GNAI3: variants seen among roughly 807,000 people sequenced by gnomAD.
GNAI3 encodes the protein guanine nucleotide-binding protein G(i) subunit alpha-3.
GNAI3 carries 12 observed loss-of-function variants against 41.8 expected under a neutral mutation model. That is an observed-to-expected ratio of 0.29 (90% CI 0.18 to 0.47). The LOEUF (loss-of-function observed/expected upper bound fraction) is 0.47. GNAI3 is among the 20% of genes least tolerant of loss of function. GNAI3 has a pLI of 1.00. For missense variants in GNAI3, 360 were observed against 429.6 expected, an observed-to-expected ratio of 0.84 and a Z score of 1.43; for synonymous variants, 132 against 146.5, an observed-to-expected ratio of 0.90 and a Z score of 0.71.
intron 5 of GNAI3, among the ~76,000 whole-genome samples, chr1:109,585,118 C>T (rs868305599): frequency 1.3e-5 from 2 of 152,190 alleles, no homozygotes; most frequent in Non-Finnish European, 2.9e-5. Flanking sequence ...GGCCTCTAGT[C>T]ACTATAGATC....
intron 1 of GNAI3, among the ~76,000 whole-genome samples, chr1:109,560,951 T>A (rs1444404928): frequency 2.0e-5 from 3 of 152,184 alleles, no homozygotes; most frequent in African/African-American, 7.2e-5. Flanking sequence ...AACAGAACAT[T>A]TTCTCCTGTA....
At chr1:109,551,814 C>T (rs1647987629) in intron 1 of GNAI3, among the ~76,000 whole-genome samples, 1 of 152,178 alleles carries the variant, frequency 6.6e-6, no homozygotes, top group Non-Finnish European at 1.5e-5. Flanking sequence ...TTTACAGACA[C>T]TTCAGTATTG....
Position 109,590,449 on chromosome 1 carries a change from T to G in GNAI3, c.875-1594T>G, listed in dbSNP as rs1571164392. On this transcript the variant is annotated intron_variant, in intron 7 of 8. Coordinates refer to ENST00000369851, the MANE Select transcript of GNAI3 (RefSeq NM_006496.4). ...TATTATCTGTTCCTAGCAGACAAAA[T>G]TCACTTTTCACTCATCTGCCTCCTT... is the stretch of plus-strand genomic sequence containing the variant. 2.0e-5 allele frequency among the ~76,000 whole-genome samples: 3 copies of G among 152,216 alleles called. No homozygotes were observed. In the East Asian group the frequency reaches 5.8e-4, roughly 29 times the overall value.
intron 3 of GNAI3, 43 bp from the exon 4 acceptor site, chr1:109,579,161 G>T: frequency 1.3e-6 from 2 of 1,523,222 alleles, no homozygotes; most frequent in Non-Finnish European, 1.8e-6. Context: ...AAGTCTTAAA[G>T]AAATGGAGAG....
intron 1 of GNAI3, 115 bp downstream of exon 1, chr1:109,548,953 T>C: frequency 5.0e-6 from 2 of 396,980 alleles, no homozygotes; most frequent in Non-Finnish European, 9.1e-6. Flanking sequence ...CTGGAGGGCG[T>C]GCCGGGCGTG....
intron 7 of GNAI3, 67 bp downstream of exon 7, chr1:109,586,949 C>A: frequency 2.1e-5 from 21 of 995,946 alleles, no homozygotes; most frequent in East Asian, 5.2e-5. Context: ...TGGTGGCATT[C>A]ATAAAACTGC....
rs543633805 is a variant in GNAI3 at position 109,598,237 on chromosome 1, ATCACCTGTTCTGT to A, written c.*5917_*5929del. ...CAGTAGATACAACAAAACACAAGAA[ATCACCTGTTCTGT>A]TTATTCTTGCTCATGTAGGATAAAG... is the stretch of plus-strand genomic sequence containing the variant. On this transcript the variant is annotated 3_prime_UTR_variant, in exon 9 of 9. Coordinates refer to ENST00000369851, the MANE Select transcript of GNAI3 (RefSeq NM_006496.4). 26 of 152,356 alleles carry A rather than the reference ATCACCTGTTCTGT, an allele frequency of 1.7e-4. No individual in the cohort carries two copies. The highest frequency in any genetic ancestry group is 6.0e-4 in the African/African-American group (25 of 41,578). The allele number at this position is 152,356 out of a possible 1,614,324, so 9.4% of individuals were successfully genotyped here. A position where few individuals can be genotyped will look rare whatever the true frequency, so the allele number is the denominator to read the frequency against.
intron 7 of GNAI3, among the ~76,000 whole-genome samples, chr1:109,591,150 T>G (rs2483920): frequency 0.92 from 140,180 of 152,208 alleles, 64,704 homozygotes; most frequent in East Asian, 1. Flanking sequence ...TAAAAAATAA[T>G]AGCTTCATTG....
intron 1 of GNAI3, among the ~76,000 whole-genome samples, chr1:109,549,114 T>C (rs1647911448): frequency 6.6e-6 from 1 of 152,096 alleles, no homozygotes; most frequent in African/African-American, 2.4e-5. Context: ...CCGGTAGATG[T>C]TGAGGGAGTA....
intron 7 of GNAI3, 117 bp from the exon 8 acceptor site, chr1:109,591,926 C>T: frequency 3.7e-6 from 2 of 545,226 alleles, no homozygotes; most frequent in Non-Finnish European, 6.6e-6. Flanking sequence ...ATAGAGAATT[C>T]TACTCATATT....
intron 1 of GNAI3, among the ~76,000 whole-genome samples, chr1:109,556,026 A>G (rs1571147026): frequency 6.8e-6 from 1 of 146,128 alleles, no homozygotes; most frequent in African/African-American, 2.5e-5. Flanking sequence ...AGGTCCTTCC[A>G]TTAACTTCCA....
intron 1 of GNAI3, among the ~76,000 whole-genome samples, chr1:109,554,504 G>A (rs772860122): frequency 6.6e-6 from 1 of 152,042 alleles, no homozygotes; most frequent in Non-Finnish European, 1.5e-5. Context: ...AAGTTTGCTG[G>A]CCATTTGTAT....
intron 1 of GNAI3, among the ~76,000 whole-genome samples, chr1:109,551,887 C>T (rs1204413780): frequency 2.6e-5 from 4 of 152,120 alleles, no homozygotes; most frequent in Non-Finnish European, 5.9e-5. Flanking sequence ...AAGGGCTGGG[C>T]GTGGTGGCTC....
At chr1:109,553,672 T>C (rs1648064756) in intron 1 of GNAI3, among the ~76,000 whole-genome samples, 1 of 152,220 alleles carries the variant, frequency 6.6e-6, no homozygotes, top group Non-Finnish European at 1.5e-5. Flanking sequence ...TATAAGCATG[T>C]ATCATTCTTT....
intron 1 of GNAI3, 101 bp from the exon 2 acceptor site, chr1:109,573,636 G>A: frequency 1.1e-6 from 1 of 945,380 alleles, no homozygotes; most frequent in East Asian, 2.4e-5. Context: ...ATTTTCCCTA[G>A]GACCCGTGGT....
At chr1:109,562,846 A>G (rs1286169090) in intron 1 of GNAI3, among the ~76,000 whole-genome samples, 1 of 152,238 alleles carries the variant, frequency 6.6e-6, no homozygotes, top group African/African-American at 2.4e-5. Context: ...AGGTGCTTTG[A>G]TAAATGATTT....
At chr1:109,587,746 G>T (rs1432578628) in intron 7 of GNAI3, among the ~76,000 whole-genome samples, 1 of 152,142 alleles carries the variant, frequency 6.6e-6, no homozygotes, top group Non-Finnish European at 1.5e-5. Context: ...ATATCATGGG[G>T]TGCATGATAT....
At chr1:109,572,797 A>T (rs1428430004) in intron 1 of GNAI3, among the ~76,000 whole-genome samples, 1 of 152,178 alleles carries the variant, frequency 6.6e-6, no homozygotes, top group Non-Finnish European at 1.5e-5. Context: ...CATATTTGAG[A>T]TGTGGAAAAT....
chr1:109,548,615 G>A lies in GNAI3; in HGVS notation c.-106G>A. ...GGTTCTTCTGGGCGCTAAGGGAGCT[G>A]ACGGAGAGGGCCACCGCCCAGCAAT... On this transcript the variant is annotated 5_prime_UTR_variant, in exon 1 of 9. Transcript: ENST00000369851. 1 of 718,786 alleles carries A rather than the reference G, an allele frequency of 1.4e-6. No homozygotes were observed. Among genetic ancestry groups the A allele is most frequent in the Non-Finnish European group, 2.4e-6 (1 of 414,468 alleles). 44.5% of individuals were successfully genotyped at this position (718,786 alleles called of 1,614,324 possible).
Sources: allele counts gnomAD v4.1 joint callset (sites outside exome capture counted in the v4.1 genomes callset), GRCh38; gene constraint gnomAD v4.1.1; transcripts MANE v1.5; gene names NCBI Gene and HGNC (gene_info 2026-07-23, HGNC 2026-07-21).